The following GFRA1 variants were observed in gnomAD, a reference collection of about 807,000 sequenced individuals.
GFRA1 encodes the protein GDNF family receptor alpha 1, also known as GDNF family receptor alpha-1.
A neutral mutation model predicts 51.6 loss-of-function variants in GFRA1; 16 were observed. The observed-to-expected ratio is 0.31, with a 90% CI of 0.21 to 0.47. GFRA1 has a LOEUF of 0.47. GFRA1 is among the 20% of genes least tolerant of loss of function. The pLI is 1.00. For missense variants in GFRA1, 530 were observed against 594.3 expected, an observed-to-expected ratio of 0.89 and a Z score of 1.13; for synonymous variants, 270 against 241.3, an observed-to-expected ratio of 1.12 and a Z score of -1.10.
chr10:116,189,031 G>C (rs1156573362), intron 5 of GFRA1, among the ~76,000 whole-genome samples: 1 of 151,102 alleles, frequency 6.6e-6, no homozygotes, highest in Non-Finnish European at 1.5e-5. Context: ...GGGGCAGGAG[G>C]ATTGCTTGAG....
In GFRA1 at chr10:116,262,684, A is replaced by C. The variant is rs1246921667; in HGVS notation, c.418+6819T>G. On this transcript the variant is annotated intron_variant, in intron 4 of 10. Coordinates refer to ENST00000355422, the MANE Select transcript of GFRA1 (RefSeq NM_005264.8). ...TGCAATTTCCTATTGTTCTACAACA[A>C]AAATGGATTGCTGAGGGGCAGGACA... 2.0e-5 allele frequency among the ~76,000 whole-genome samples: 3 copies of C among 152,152 alleles called. No individual in the cohort carries two copies. In the East Asian group the frequency reaches 5.8e-4, roughly 29 times the overall value.
intron 5 of GFRA1, among the ~76,000 whole-genome samples, chr10:116,158,971 C>T (rs1959455460): frequency 6.6e-6 from 1 of 152,196 alleles, no homozygotes; most frequent in South Asian, 2.1e-4. Flanking sequence ...CATGGGCATC[C>T]CATCCTCCGC....
rs1438493898 is a variant in GFRA1 at position 116,272,039 on chromosome 10, G to A, written c.-10C>T. On this transcript the variant is annotated 5_prime_UTR_variant, in exon 2 of 11. Coordinates refer to ENST00000355422, the MANE Select transcript of GFRA1 (RefSeq NM_005264.8). This position sits in a 1 kb window ranked among gnomAD's most constrained non-coding sequence, Gnocchi z 4.4. ...GGGTCGCCAGGAACATGGTGCCGGCGCGGGGCTGGTCCCCGCCCCCCCAAA... is the reference window on the plus strand; with the variant it reads ...GGGTCGCCAGGAACATGGTGCCGGCACGGGGCTGGTCCCCGCCCCCCCAAA... 1.3e-6 allele frequency: 2 copies of A among 1,553,520 alleles called. No homozygotes were observed. Among genetic ancestry groups the A allele is most frequent in the East Asian group, 2.4e-5 (1 of 41,056 alleles).
At chr10:116,269,611 T>C in intron 3 of GFRA1, 25 bp from the exon 4 acceptor site, 1 of 1,380,022 alleles carries the variant, frequency 7.2e-7, no homozygotes. Context: ...AAGATTGGGC[T>C]CAGATCAGAA....
intron 5 of GFRA1, among the ~76,000 whole-genome samples, chr10:116,154,835 G>A (rs977629500): frequency 4.6e-5 from 7 of 152,122 alleles, no homozygotes; most frequent in South Asian, 4.1e-4. Flanking sequence ...ACCAGGTCCC[G>A]GCCAGAGTGA....
chr10:116,078,055 C>T (rs1228144248), intron 9 of GFRA1, among the ~76,000 whole-genome samples: 2 of 152,194 alleles, frequency 1.3e-5, no homozygotes, highest in African/African-American at 4.8e-5. Flanking sequence ...TAGGGTGCCA[C>T]ACATATGTAC....
intron 4 of GFRA1, chr10:116,255,698 C>A: frequency 2.3e-6 from 3 of 1,289,174 alleles, no homozygotes; most frequent in Non-Finnish European, 3.0e-6. Flanking sequence ...ACTTTCCTTC[C>A]TGCATCCTAG....
intron 5 of GFRA1, among the ~76,000 whole-genome samples, chr10:116,202,821 G>A (rs1276010464): frequency 1.3e-5 from 2 of 152,126 alleles, no homozygotes; most frequent in East Asian, 1.9e-4. Flanking sequence ...TGGGATTAAG[G>A]GGAGGACACA....
At chr10:116,202,613 C>T (rs369250885) in intron 5 of GFRA1, among the ~76,000 whole-genome samples, 1 of 152,076 alleles carries the variant, frequency 6.6e-6, no homozygotes, top group Non-Finnish European at 1.5e-5. Context: ...AACTTACAAT[C>T]ATGGTGGAAG....
chr10:116,116,206 T>C (rs1156850914), intron 6 of GFRA1, among the ~76,000 whole-genome samples: 1 of 152,218 alleles, frequency 6.6e-6, no homozygotes, highest in East Asian at 1.9e-4. Context: ...GCGATTCTCC[T>C]ACCTCAGCCT....
chr10:116,149,242 G>T (rs1958962970), intron 5 of GFRA1, among the ~76,000 whole-genome samples: 1 of 152,168 alleles, frequency 6.6e-6, no homozygotes, highest in Admixed American at 6.5e-5. Context: ...AAGAAAGCAA[G>T]AAATAGCAGC....
chr10:116,229,628 T>G (rs1966556033), intron 4 of GFRA1, among the ~76,000 whole-genome samples: 1 of 152,184 alleles, frequency 6.6e-6, no homozygotes, highest in South Asian at 2.1e-4. Flanking sequence ...GAACAGGTAT[T>G]TGGAGCACAT....
At chr10:116,119,906 G>A (rs575758215) in intron 6 of GFRA1, among the ~76,000 whole-genome samples, 6 of 152,294 alleles carry the variant, frequency 3.9e-5, no homozygotes, top group East Asian at 1.9e-4. Flanking sequence ...TAAGTGTCAC[G>A]GGGTCACCCC....
At chr10:116,103,368 A>G (rs190122077) in intron 6 of GFRA1, among the ~76,000 whole-genome samples, 8 of 152,348 alleles carry the variant, frequency 5.3e-5, no homozygotes, top group Admixed American at 6.5e-5. Context: ...AACAAGCTCA[A>G]TAAAGAGAAA....
intron 4 of GFRA1, among the ~76,000 whole-genome samples, chr10:116,251,911 G>C (rs527266694): frequency 2.0e-5 from 3 of 146,634 alleles, no homozygotes; most frequent in African/African-American, 7.4e-5. Context: ...AGGCTTTGTC[G>C]TCATTCCATG....
chr10:116,162,178 C>T (rs1959884197), intron 5 of GFRA1, among the ~76,000 whole-genome samples: 1 of 152,208 alleles, frequency 6.6e-6, no homozygotes, highest in Non-Finnish European at 1.5e-5. Flanking sequence ...ACTGGGTTCA[C>T]CAGCAGTAGT....
chr10:116,119,974 C>G (rs560371842), intron 6 of GFRA1, among the ~76,000 whole-genome samples: 1 of 152,346 alleles, frequency 6.6e-6, no homozygotes, highest in African/African-American at 2.4e-5. Flanking sequence ...ATGTGCTGTT[C>G]TCCTGGAGCT....
chr10:116,238,434 A>C (rs929154065), intron 4 of GFRA1, among the ~76,000 whole-genome samples: 2 of 152,198 alleles, frequency 1.3e-5, no homozygotes, highest in Non-Finnish European at 2.9e-5. Context: ...ACTTAAAACA[A>C]CTCAGAATGT....
intron 4 of GFRA1, among the ~76,000 whole-genome samples, chr10:116,214,240 A>T (rs1965409770): frequency 6.6e-6 from 1 of 152,196 alleles, no homozygotes; most frequent in South Asian, 2.1e-4. Context: ...CAGAGAGGGA[A>T]TTCACTGTTT....
Sources: allele counts gnomAD v4.1 joint callset (sites outside exome capture counted in the v4.1 genomes callset), GRCh38; gene constraint gnomAD v4.1.1; non-coding constraint Gnocchi (gnomAD v3.1); transcripts MANE v1.5; gene names NCBI Gene and HGNC (gene_info 2026-07-23, HGNC 2026-07-21).